OTULINL: variants seen among roughly 807,000 people sequenced by gnomAD.
OTULINL encodes inactive ubiquitin thioesterase OTULINL.
OTULINL carries 42 observed loss-of-function variants against 43.9 expected under a neutral mutation model. That is an observed-to-expected ratio of 0.96 (90% CI 0.75 to 1.24). OTULINL has a LOEUF of 1.24. OTULINL is among the 50% of genes most tolerant of loss of function. The probability of loss-of-function intolerance (pLI) is 0.00; values close to 1 mark genes in which losing one functional copy is unlikely to be tolerated. For synonymous variants in OTULINL, 172 were observed against 153.6 expected, an observed-to-expected ratio of 1.12 and a Z score of -0.88; for missense variants, 411 against 426.4, an observed-to-expected ratio of 0.96 and a Z score of 0.32.
rs892695664 is a variant in OTULINL, at chr5:14,608,783, G to C, written c.663G>C (p.Lys221Asn). 1 of 1,611,918 alleles carries C rather than the reference G, an allele frequency of 6.2e-7. No homozygotes were observed. The highest frequency in any genetic ancestry group is 1.7e-5 in the Admixed American group (1 of 59,938). Residue 221 changes from lysine (K) to asparagine (N), a missense_variant, in exon 7 of 8, where the codon AAG becomes AAC. Coordinates refer to ENST00000274217, the MANE Select transcript of OTULINL (RefSeq NM_019018.3). ...TEFNGIRDYH[K>N]RGSMCNTLFS... ...TTAATGGCATTAGAGATTATCACAAGAGAGGAAGTATGTGCAACACCCTTT... is the reference window on the plus strand; with the variant it reads ...TTAATGGCATTAGAGATTATCACAACAGAGGAAGTATGTGCAACACCCTTT...
chr5:14,600,913 CTT>C, intron 1 of OTULINL, 50 bp from the exon 2 acceptor site: 1 of 1,326,960 alleles, frequency 7.5e-7, no homozygotes, highest in Non-Finnish European at 9.7e-7. Context: ...TTAAAGCAAA[CTT>C]GTGTAATTGT....
At chr5:14,606,733 TAAA>T (rs758585165) in intron 5 of OTULINL, among the ~76,000 whole-genome samples, 1 of 152,216 alleles carries the variant, frequency 6.6e-6, no homozygotes, top group African/African-American at 2.4e-5. Context: ...ATCATTTGGT[TAAA>T]AATAATTTCT....
chr5:14,606,753 C>T (rs56194235), intron 5 of OTULINL, among the ~76,000 whole-genome samples: 14 of 152,230 alleles, frequency 9.2e-5, no homozygotes, highest in Non-Finnish European at 1.8e-4. Context: ...TTCTAAAGGG[C>T]TACATATAGT....
intron 1 of OTULINL, among the ~76,000 whole-genome samples, chr5:14,582,814 CAA>C (rs57907300): frequency 0.12 from 6,467 of 54,386 alleles, 69 homozygotes; most frequent in African/African-American, 0.16. Context: ...TTGCTCTGTC[CAA>C]AAAAAAAAAA....
intron 1 of OTULINL, among the ~76,000 whole-genome samples, chr5:14,595,233 C>T (rs530417601): frequency 7.9e-5 from 12 of 152,254 alleles, no homozygotes; most frequent in Admixed American, 6.5e-4. Context: ...GTGACAGAGT[C>T]TGTGTGTAGA....
In OTULINL at chr5:14,601,349, A is replaced by G. The variant is rs1254273743; in HGVS notation, c.257-2A>G. 1.9e-6 allele frequency: 3 copies of G among 1,613,928 alleles called. No homozygotes were observed. Among genetic ancestry groups the G allele is most frequent in the Admixed American group, 1.7e-5 (1 of 59,974 alleles). On this transcript the variant is annotated splice_acceptor_variant, in intron 3 of 7. Transcript: ENST00000274217. LOFTEE classifies it high-confidence loss of function. ...CAGCTTTTTATTTTTTATTTGGTCCAGGGAACCTCAGTGTGGAGGCAGAGG... is the reference window on the plus strand; with the variant it reads ...CAGCTTTTTATTTTTTATTTGGTCCGGGGAACCTCAGTGTGGAGGCAGAGG...
At chr5:14,589,941 GA>G (rs879475370) in intron 1 of OTULINL, among the ~76,000 whole-genome samples, 31 of 148,262 alleles carry the variant, frequency 2.1e-4, no homozygotes, top group Middle Eastern at 3.5e-3. Context: ...GAATCAATCT[GA>G]AAAAAAAAAA....
chr5:14,604,949 TGG>T (rs1426498043), intron 5 of OTULINL, among the ~76,000 whole-genome samples: 2 of 152,212 alleles, frequency 1.3e-5, no homozygotes, highest in Non-Finnish European at 2.9e-5. Context: ...TCTACCATTC[TGG>T]GGTCTGGGGA....
At chr5:14,609,910 G>A (rs564034071) in intron 7 of OTULINL, among the ~76,000 whole-genome samples, 132 of 152,260 alleles carry the variant, frequency 8.7e-4, no homozygotes, top group African/African-American at 3.0e-3. Flanking sequence ...GAGCCACCGC[G>A]CCTGGCCGTG....
Position 14,611,847 on chromosome 5 carries a change from A to G in OTULINL, c.*1533A>G, listed in dbSNP as rs531210138. ...CTTACTTCACGAGATATTTAGCACT[A>G]TCATTTTCCCAGATGTTCATATTAT... On this transcript the variant is annotated 3_prime_UTR_variant, in exon 8 of 8. Coordinates refer to ENST00000274217, the MANE Select transcript of OTULINL (RefSeq NM_019018.3). 1 of 152,324 alleles carries G rather than the reference A, an allele frequency of 6.6e-6. No individual in the cohort carries two copies. Among genetic ancestry groups the G allele is most frequent in the South Asian group, 2.1e-4 (1 of 4,828 alleles). The allele number at this position is 152,324 out of a possible 1,614,324, so 9.4% of individuals were successfully genotyped here. A position where few individuals can be genotyped will look rare whatever the true frequency, so the allele number is the denominator to read the frequency against.
intron 1 of OTULINL, among the ~76,000 whole-genome samples, chr5:14,585,750 G>A (rs532921778): frequency 6.6e-6 from 1 of 152,348 alleles, no homozygotes; most frequent in African/African-American, 2.4e-5. Context: ...ATTTGCTCAA[G>A]GCTTCCGCTA....
chr5:14,607,572 A>G (rs2126785156), intron 6 of OTULINL, 114 bp downstream of exon 6: 2 of 1,301,954 alleles, frequency 1.5e-6, no homozygotes, highest in Non-Finnish European at 2.1e-6. Flanking sequence ...TAAGAAGTGC[A>G]AGCAGAAATG....
At chr5:14,598,617 G>A (rs1407292684) in intron 1 of OTULINL, among the ~76,000 whole-genome samples, 1 of 152,180 alleles carries the variant, frequency 6.6e-6, no homozygotes, top group African/African-American at 2.4e-5. Context: ...AGGCTGAGGC[G>A]GGAGGATGGC....
chr5:14,610,383 G>A lies in OTULINL; in HGVS notation c.*69G>A. On this transcript the variant is annotated 3_prime_UTR_variant, in exon 8 of 8. Coordinates refer to ENST00000274217, the MANE Select transcript of OTULINL (RefSeq NM_019018.3). The stretch of plus-strand genomic sequence containing the variant: ...CACAGTTGCAATAAAGTCTCTCTCT[G>A]AAACCAAAGCTAGCATTTCAGCATG... 6.6e-7 allele frequency: 1 copy of A among 1,516,028 alleles called. No homozygotes were observed. Among genetic ancestry groups the A allele is most frequent in the Non-Finnish European group, 9.0e-7 (1 of 1,107,626 alleles). 93.9% of individuals were successfully genotyped at this position (1,516,028 alleles called of 1,614,324 possible).
chr5:14,602,451 T>C, intron 5 of OTULINL, 119 bp downstream of exon 5: 1 of 936,422 alleles, frequency 1.1e-6, no homozygotes. Context: ...TTTTTTTGTT[T>C]TTTTGAGACA....
At chr5:14,609,843 C>A (rs554411356) in intron 7 of OTULINL, among the ~76,000 whole-genome samples, 74 of 152,308 alleles carry the variant, frequency 4.9e-4, no homozygotes, top group African/African-American at 1.5e-3. Context: ...TGTTTTCGAT[C>A]TCCTGACCTC....
At chr5:14,596,712 A>C (rs1233809015) in intron 1 of OTULINL, among the ~76,000 whole-genome samples, 2 of 152,166 alleles carry the variant, frequency 1.3e-5, no homozygotes, top group Non-Finnish European at 2.9e-5. Context: ...AATACCACAG[A>C]CTGGGTGATT....
chr5:14,590,296 C>T (rs539392903), intron 1 of OTULINL, among the ~76,000 whole-genome samples: 4 of 152,104 alleles, frequency 2.6e-5, no homozygotes, highest in Non-Finnish European at 4.4e-5. Context: ...AAAAAGATAC[C>T]TGGGCCCCAG....
chr5:14,602,694 C>T (rs773382029), intron 5 of OTULINL, among the ~76,000 whole-genome samples: 5 of 152,130 alleles, frequency 3.3e-5, no homozygotes, highest in Non-Finnish European at 5.9e-5. Flanking sequence ...CTTCCTCCTC[C>T]TAGAGTGCTT....
Sources: allele counts gnomAD v4.1 joint callset (sites outside exome capture counted in the v4.1 genomes callset), GRCh38; gene constraint gnomAD v4.1.1; transcripts MANE v1.5; gene names NCBI Gene and HGNC (gene_info 2026-07-23, HGNC 2026-07-21).